Variants in EYA4 observed in about 807,000 individuals in gnomAD.
EYA4 encodes EYA transcriptional coactivator and phosphatase 4.
Under a neutral mutation model 87.9 loss-of-function variants are expected in EYA4, and 31 were observed. The observed-to-expected ratio is 0.35, with a 90% CI of 0.27 to 0.48. The LOEUF (loss-of-function observed/expected upper bound fraction) is 0.48. Ranked by LOEUF, EYA4 falls within the 20% of genes least tolerant of loss-of-function variation. EYA4 has a pLI of 0.99. For synonymous variants in EYA4, 263 were observed against 270.6 expected, an observed-to-expected ratio of 0.97 and a Z score of 0.28; for missense variants, 678 against 761.4, an observed-to-expected ratio of 0.89 and a Z score of 1.29.
intron 2 of EYA4, among the ~76,000 whole-genome samples, chr6:133,363,560 C>T (rs1334423277): frequency 2.0e-5 from 3 of 151,488 alleles, no homozygotes; most frequent in Admixed American, 1.3e-4. Flanking sequence ...CTGCAGGCTC[C>T]GCCTCCCGGG....
In EYA4 at chr6:133,530,946, G is replaced by T; in HGVS notation, c.*2141G>T. The T allele has an allele frequency of 8.3e-7, 1 of 1,205,316 alleles. No individual in the cohort carries two copies. Among genetic ancestry groups the T allele is most frequent in the Non-Finnish European group, 1.0e-6 (1 of 968,094 alleles). The allele number at this position is 1,205,316 out of a possible 1,614,324, so 74.7% of individuals were successfully genotyped here. Reference sequence around the variant, plus strand: ...TTGATTATCAGTACTTAATTATGTTGTGCACTAAAACCTTAAATATTTATT... The same window carrying T: ...TTGATTATCAGTACTTAATTATGTTTTGCACTAAAACCTTAAATATTTATT... On this transcript the variant is annotated 3_prime_UTR_variant, in exon 20 of 20. Coordinates refer to ENST00000355286, the MANE Select transcript of EYA4 (RefSeq NM_004100.5).
rs1793049226 is a variant in EYA4 at position 133,448,180 on chromosome 6, G to A, written c.277+1G>A. ...TGCAACACCCCCTCTTCTGCAACAA[G>A]TATGAGAGATGCTGGTACACTGCAT... On this transcript the variant is annotated splice_donor_variant, in intron 5 of 19. Coordinates refer to ENST00000355286, the MANE Select transcript of EYA4 (RefSeq NM_004100.5). LOFTEE classifies it high-confidence loss of function. The A allele has an allele frequency of 6.2e-7, 1 of 1,609,932 alleles. No homozygotes were observed. Among genetic ancestry groups the A allele is most frequent in the African/African-American group, 1.3e-5 (1 of 74,924 alleles).
intron 13 of EYA4, chr6:133,502,576 T>A (rs111893540): frequency 6.6e-6 from 1 of 152,224 alleles, no homozygotes; most frequent in Middle Eastern, 3.2e-3. Context: ...CCACCAAATG[T>A]CCAGTCATCT....
At chr6:133,526,176 C>T (rs866837243) in intron 19 of EYA4, among the ~76,000 whole-genome samples, 1 of 152,054 alleles carries the variant, frequency 6.6e-6, no homozygotes, top group Non-Finnish European at 1.5e-5. Context: ...CTGCCTTCAC[C>T]GAATGATAGA....
chr6:133,302,142 G>A (rs991629286), intron 2 of EYA4, among the ~76,000 whole-genome samples: 1 of 152,196 alleles, frequency 6.6e-6, no homozygotes, highest in Non-Finnish European at 1.5e-5. Context: ...TCTGGGTTAC[G>A]CAGTGTGAAC....
chr6:133,259,237 C>T (rs1046449209), intron 1 of EYA4, among the ~76,000 whole-genome samples: 5 of 151,956 alleles, frequency 3.3e-5, no homozygotes, highest in Admixed American at 1.3e-4. Flanking sequence ...CCAGGGGCAC[C>T]GTACTTAACT....
chr6:133,437,217 G>C (rs1410288612), intron 3 of EYA4, among the ~76,000 whole-genome samples: 1 of 152,138 alleles, frequency 6.6e-6, no homozygotes, highest in Non-Finnish European at 1.5e-5. Context: ...TAAATATTAT[G>C]AGCAGTGTAC....
chr6:133,418,561 A>G (rs1340489165), intron 3 of EYA4, among the ~76,000 whole-genome samples: 1 of 152,248 alleles, frequency 6.6e-6, no homozygotes, highest in Non-Finnish European at 1.5e-5. Context: ...TTATATATAC[A>G]CACAAATATT....
At chr6:133,433,442 C>T (rs139085917) in intron 3 of EYA4, among the ~76,000 whole-genome samples, 3 of 152,328 alleles carry the variant, frequency 2.0e-5, no homozygotes, top group African/African-American at 7.2e-5. Flanking sequence ...GGAGGTATAC[C>T]TCTAGTACCC....
chr6:133,352,954 A>G (rs926718191), intron 2 of EYA4, among the ~76,000 whole-genome samples: 6 of 152,176 alleles, frequency 3.9e-5, no homozygotes, highest in African/African-American at 1.4e-4. Context: ...TTGTCCCAAC[A>G]CTAATGATAT....
At chr6:133,280,791 A>C (rs993894188) in intron 2 of EYA4, among the ~76,000 whole-genome samples, 3 of 152,212 alleles carry the variant, frequency 2.0e-5, no homozygotes, top group Non-Finnish European at 4.4e-5. Flanking sequence ...AGAGTTGTAC[A>C]ATTATTACCA....
chr6:133,531,357 G>A lies in EYA4; in HGVS notation c.*2552G>A. On this transcript the variant is annotated 3_prime_UTR_variant, in exon 20 of 20. Coordinates refer to ENST00000355286, the MANE Select transcript of EYA4 (RefSeq NM_004100.5). ...CTAGAACTCTTCCCTTCCCACCTTA[G>A]GAATAGAAAATCCTCTTCCTTTCTA... 2 of 631,800 alleles carry A rather than the reference G, an allele frequency of 3.2e-6. No homozygotes were observed. The highest frequency in any genetic ancestry group is 3.0e-5 in the East Asian group (1 of 33,304). 39.1% of individuals were successfully genotyped at this position (631,800 alleles called of 1,614,324 possible). A position where few individuals can be genotyped will look rare whatever the true frequency, so the allele number is the denominator to read the frequency against.
intron 3 of EYA4, among the ~76,000 whole-genome samples, chr6:133,398,122 G>T (rs112783893): frequency 1.3e-5 from 2 of 152,174 alleles, no homozygotes; most frequent in South Asian, 2.1e-4. Flanking sequence ...AAAGAAAAGG[G>T]GGGGAGGACA....
At chr6:133,434,715 CT>C (rs966675226) in intron 3 of EYA4, among the ~76,000 whole-genome samples, 3 of 152,042 alleles carry the variant, frequency 2.0e-5, no homozygotes, top group Admixed American at 6.5e-5. Context: ...AGGTTACCAC[CT>C]TTTTTTTGTA....
intron 2 of EYA4, among the ~76,000 whole-genome samples, chr6:133,371,114 C>T (rs746592882): frequency 2.6e-5 from 4 of 152,108 alleles, no homozygotes; most frequent in Non-Finnish European, 5.9e-5. Context: ...AAAATAATAA[C>T]AGCATTTGTT....
intron 11 of EYA4, among the ~76,000 whole-genome samples, chr6:133,478,809 T>C (rs535140791): frequency 2.2e-4 from 33 of 152,272 alleles, no homozygotes; most frequent in African/African-American, 7.7e-4. Context: ...TCTTTCCTCT[T>C]CTGCTCTTTT....
At chr6:133,515,537 T>TC in intron 17 of EYA4, 102 bp downstream of exon 17, 1 of 779,902 alleles carries the variant, frequency 1.3e-6, no homozygotes, top group Non-Finnish European at 2.3e-6. Context: ...TTTTAGACTT[T>TC]AAGGGACCTA....
chr6:133,319,231 G>A (rs1780859404), intron 2 of EYA4, among the ~76,000 whole-genome samples: 1 of 152,190 alleles, frequency 6.6e-6, no homozygotes, highest in South Asian at 2.1e-4. Flanking sequence ...TATTCACATG[G>A]TGATAGCTTT....
chr6:133,300,357 C>T (rs1779306284), intron 2 of EYA4, among the ~76,000 whole-genome samples: 1 of 151,774 alleles, frequency 6.6e-6, no homozygotes, highest in Non-Finnish European at 1.5e-5. Context: ...CTGTCATCAT[C>T]TACTGTTAAA....
Sources: allele counts gnomAD v4.1 joint callset (sites outside exome capture counted in the v4.1 genomes callset), GRCh38; gene constraint gnomAD v4.1.1; transcripts MANE v1.5; gene names NCBI Gene and HGNC (gene_info 2026-07-23, HGNC 2026-07-21).